SLF1: variants seen among roughly 807,000 people sequenced by gnomAD.
SLF1 encodes the protein SMC5-SMC6 complex localization factor protein 1.
SLF1 carries 105 observed loss-of-function variants against 123.0 expected under a neutral mutation model. The observed-to-expected ratio is 0.85, with a 90% CI of 0.73 to 1.00. The LOEUF is 1.00. Among genes scored for constraint, SLF1 ranks in the 50% least tolerant of loss-of-function variants. The pLI is 0.00. For missense variants in SLF1, 1,239 were observed against 1,223.0 expected (o/e 1.01, Z -0.20); for synonymous variants, 434 against 406.6 (o/e 1.07, Z -0.81).
intron 18 of SLF1, among the ~76,000 whole-genome samples, chr5:94,690,538 C>G (rs1752952214): frequency 6.6e-6 from 1 of 151,990 alleles, no homozygotes; most frequent in African/African-American, 2.4e-5. Flanking sequence ...GCAGAAGGAA[C>G]TGGGAGAGAG....
chr5:94,670,320 GT>G, intron 13 of SLF1, 41 bp downstream of exon 13: 3 of 1,388,206 alleles, frequency 2.2e-6, no homozygotes, highest in Non-Finnish European at 1.9e-6. Flanking sequence ...CTAAATTTTG[GT>G]TGTTTTTATG....
intron 4 of SLF1, among the ~76,000 whole-genome samples, chr5:94,635,647 C>CT (rs556138227): frequency 5.5e-4 from 84 of 151,956 alleles, no homozygotes; most frequent in Non-Finnish European, 1.1e-3. Flanking sequence ...ACATTTTATT[C>CT]TTAGACTATG....
At chr5:94,667,276 G>A (rs1466303521) in intron 12 of SLF1, among the ~76,000 whole-genome samples, 1 of 152,144 alleles carries the variant, frequency 6.6e-6, no homozygotes, top group African/African-American at 2.4e-5. Context: ...CCGCACAAAA[G>A]TACAAGCCCA....
At chr5:94,628,553 G>GT (rs1422000190) in intron 1 of SLF1, among the ~76,000 whole-genome samples, 1 of 152,196 alleles carries the variant, frequency 6.6e-6, no homozygotes, top group African/African-American at 2.4e-5. Context: ...GTCAAGTAAT[G>GT]TATTAATCCA....
chr5:94,676,012 A>G lies in SLF1; in HGVS notation c.1828-2796A>G, dbSNP rs574149319. Among the ~76,000 whole-genome samples the G allele has an allele frequency of 1.0e-3, 151 of 150,204 alleles. 3 individuals are homozygous for G. The highest frequency in any genetic ancestry group is 3.0e-3 in the East Asian group (15 of 5,078). On this transcript the variant is annotated intron_variant, in intron 14 of 20. Coordinates refer to ENST00000265140, the MANE Select transcript of SLF1 (RefSeq NM_032290.4). ...GGGCTAACATCCTTCTTTCCTGCCC[A>G]GAGTCTTAAAGCCTGGGTGGTCTAA... is the stretch of plus-strand genomic sequence containing the variant.
chr5:94,686,809 A>G (rs1752481251), intron 16 of SLF1, 91 bp downstream of exon 16: 3 of 1,386,944 alleles, frequency 2.2e-6, no homozygotes, highest in South Asian at 2.9e-5. Context: ...TTATTTTGAG[A>G]TGGAGGCTTG....
chr5:94,695,142 C>T lies in SLF1; in HGVS notation c.3007C>T (p.His1003Tyr). The T allele has an allele frequency of 6.2e-7, 1 of 1,612,630 alleles. No homozygotes were observed. The highest frequency in any genetic ancestry group is 8.5e-7 in the Non-Finnish European group (1 of 1,179,090). Reference protein sequence around the residue: ...CKSHKETTSVHTDWLLDLYAG... With the variant: ...CKSHKETTSVYTDWLLDLYAG... Reference sequence around the variant, plus strand: ...AAGTCATAAAGAAACCACCAGTGTTCATACTGACTGGTTACTGGATCTTTA... The same window carrying T: ...AAGTCATAAAGAAACCACCAGTGTTTATACTGACTGGTTACTGGATCTTTA... Residue 1003 changes from histidine to tyrosine, a missense_variant, in exon 21 of 21, where the codon CAT (histidine) becomes TAT (tyrosine). Coordinates refer to ENST00000265140, the MANE Select transcript of SLF1 (RefSeq NM_032290.4).
intron 1 of SLF1, among the ~76,000 whole-genome samples, chr5:94,619,755 A>G (rs1406627135): frequency 6.6e-6 from 1 of 152,200 alleles, no homozygotes; most frequent in Non-Finnish European, 1.5e-5. Flanking sequence ...GATGTGCAAG[A>G]TGTTCTCATT....
intron 8 of SLF1, among the ~76,000 whole-genome samples, chr5:94,654,095 C>T (rs992319776): frequency 1.3e-5 from 2 of 151,854 alleles, no homozygotes; most frequent in African/African-American, 2.4e-5. Context: ...GCTTGAGCCT[C>T]GGAGGCAGAG....
Position 94,694,983 on chromosome 5 carries a change from C to T in SLF1, c.2848C>T (p.Gln950Ter). ...ACAAGCAGAGAAACATTTTCATTAC[C>T]AGCAACTTGAATTTGGCTCCTTTTT... The part of the protein sequence containing the change: ...HAQAEKHFHY[Q>*]QLEFGSFLLS... The change falls in exon 21 of 21, where the codon CAG becomes TAG. Residue 950 changes from glutamine (Q) to a stop codon, truncating the protein, a stop_gained. Coordinates refer to ENST00000265140, the MANE Select transcript of SLF1 (RefSeq NM_032290.4). LOFTEE classifies it high-confidence loss of function. The T allele has an allele frequency of 1.2e-6, 2 of 1,612,552 alleles. No individual in the cohort carries two copies. The highest frequency in any genetic ancestry group is 2.2e-5 in the South Asian group (2 of 90,992).
chr5:94,649,268 T>A (rs1293905358), intron 5 of SLF1, among the ~76,000 whole-genome samples, 186 bp from the exon 6 acceptor site: 1 of 152,326 alleles, frequency 6.6e-6, no homozygotes, highest in East Asian at 1.9e-4. Flanking sequence ...ATTCAGGACC[T>A]TTACTATCAT....
At chr5:94,632,237 T>C (rs1322289810) in intron 4 of SLF1, among the ~76,000 whole-genome samples, 1 of 152,234 alleles carries the variant, frequency 6.6e-6, no homozygotes, top group Non-Finnish European at 1.5e-5. Context: ...ACTTCCTGTT[T>C]GGTTCCAGTG....
At chr5:94,656,975 G>T (rs934729552) in intron 9 of SLF1, among the ~76,000 whole-genome samples, 1 of 148,600 alleles carries the variant, frequency 6.7e-6, no homozygotes, top group Non-Finnish European at 1.5e-5. Context: ...ATTTTGTTTC[G>T]TTCTGCTCTT....
At chr5:94,662,962 A>T (rs1326597398) in intron 10 of SLF1, among the ~76,000 whole-genome samples, 2 of 152,234 alleles carry the variant, frequency 1.3e-5, no homozygotes, top group Non-Finnish European at 1.5e-5. Context: ...TCTTAGAGTT[A>T]TATAAATGTA....
chr5:94,625,262 A>C (rs1447506314), intron 1 of SLF1, among the ~76,000 whole-genome samples: 1 of 152,082 alleles, frequency 6.6e-6, no homozygotes, highest in Non-Finnish European at 1.5e-5. Flanking sequence ...GTTTTTGATA[A>C]AACCAATTAG....
intron 4 of SLF1, among the ~76,000 whole-genome samples, chr5:94,631,542 A>G (rs563994104): frequency 6.6e-6 from 1 of 152,308 alleles, no homozygotes; most frequent in Middle Eastern, 3.4e-3. Flanking sequence ...TCATTTCTCT[A>G]GTACAGTATT....
At chr5:94,639,844 C>T (rs2152472052) in intron 4 of SLF1, among the ~76,000 whole-genome samples, 1 of 152,206 alleles carries the variant, frequency 6.6e-6, no homozygotes, top group African/African-American at 2.4e-5. Context: ...GTAGCAGAGG[C>T]AAAAGAGGTG....
At chr5:94,653,637 A>G (rs184420645) in intron 8 of SLF1, among the ~76,000 whole-genome samples, 3 of 152,282 alleles carry the variant, frequency 2.0e-5, no homozygotes. Flanking sequence ...GTATTCAGTG[A>G]ATTTTGTTTT....
intron 9 of SLF1, among the ~76,000 whole-genome samples, chr5:94,661,245 G>C (rs1749066477): frequency 6.6e-6 from 1 of 152,182 alleles, no homozygotes; most frequent in African/African-American, 2.4e-5. Context: ...AGGATTGCAG[G>C]AATTCATGGT....
Sources: gnomAD v4.1 joint callset for allele counts (sites outside exome capture counted in the v4.1 genomes callset) on GRCh38, gnomAD v4.1.1 for gene constraint, MANE v1.5 for transcripts, NCBI Gene and HGNC (gene_info 2026-07-23, HGNC 2026-07-21) for gene names.